Variants in HTR4 observed in about 807,000 individuals in gnomAD.
HTR4 encodes the protein 5-hydroxytryptamine receptor 4, also known as 5-hydroxytryptamine (serotonin) receptor 4, G protein-coupled.
A neutral mutation model predicts 36.8 loss-of-function variants in HTR4; 16 were observed. That is an observed-to-expected ratio of 0.43 (90% confidence interval 0.29 to 0.66). HTR4 has a LOEUF of 0.66. Ranked by LOEUF, HTR4 falls within the 30% of genes least tolerant of loss-of-function variation. The pLI, the probability that HTR4 is intolerant of heterozygous loss-of-function variation, is 0.13. For missense variants in HTR4, 438 were observed against 490.9 expected, an observed-to-expected ratio of 0.89 and a Z score of 1.02; for synonymous variants, 189 against 185.1, an observed-to-expected ratio of 1.02 and a Z score of -0.17.
At chr5:148,638,531 G>A (rs1038275659) in intron 1 of HTR4, among the ~76,000 whole-genome samples, 5 of 152,174 alleles carry the variant, frequency 3.3e-5, no homozygotes, top group Admixed American at 2.0e-4. Context: ...TTATCCCTAC[G>A]TTGAGACTTT....
rs923070574 is a variant in HTR4, at chr5:148,613,271, A to G, written c.26+23718T>C. On this transcript the variant is annotated intron_variant, in intron 2 of 6. Transcript: ENST00000377888. ...AATATCCTTGATGAACATTGATGCA[A>G]AAATCCTCAATAAAATACTGGCAAA... is the stretch of plus-strand genomic sequence containing the variant. Among the ~76,000 whole-genome samples the G allele has an allele frequency of 1.9e-3, 256 of 136,948 alleles. 2 individuals are homozygous for G. Among genetic ancestry groups the G allele is most frequent in the Non-Finnish European group, 2.8e-3 (177 of 63,114 alleles). 89.8% of individuals were successfully genotyped at this position (136,948 alleles called of 152,430 possible).
chr5:148,516,171 C>G (rs979930475), intron 5 of HTR4, among the ~76,000 whole-genome samples: 8 of 151,456 alleles, frequency 5.3e-5, no homozygotes, highest in African/African-American at 1.9e-4. Flanking sequence ...ATATTGTTAT[C>G]ATTATGAAAA....
At chr5:148,569,801 T>C (rs1332209900) in intron 2 of HTR4, among the ~76,000 whole-genome samples, 1 of 152,126 alleles carries the variant, frequency 6.6e-6, no homozygotes, top group African/African-American at 2.4e-5. Context: ...TATAAGTAGA[T>C]CCAGAGGTCA....
At chr5:148,592,375 CT>C (rs1421773255) in intron 2 of HTR4, among the ~76,000 whole-genome samples, 15 of 152,160 alleles carry the variant, frequency 9.9e-5, no homozygotes, top group African/African-American at 3.1e-4. Context: ...ACATGTACCC[CT>C]GAACCTAAAA....
chr5:148,550,815 T>C (rs901154602), intron 2 of HTR4, among the ~76,000 whole-genome samples: 4 of 152,102 alleles, frequency 2.6e-5, no homozygotes, highest in Middle Eastern at 3.2e-3. Context: ...GAAGTGGACG[T>C]CTCATGGCAT....
intron 2 of HTR4, among the ~76,000 whole-genome samples, chr5:148,593,882 A>G (rs75084264): frequency 0.014 from 2,093 of 152,264 alleles, 44 homozygotes; most frequent in African/African-American, 0.049. Context: ...TAAATTTTCA[A>G]TGTGTTCAAA....
chr5:148,542,638 C>CTT (rs200117617), intron 4 of HTR4, among the ~76,000 whole-genome samples: 1 of 151,378 alleles, frequency 6.6e-6, no homozygotes. Context: ...GTGAAATTGA[C>CTT]TTTTTTTTTA....
At chr5:148,493,079 T>C (rs897707142) in intron 6 of HTR4, among the ~76,000 whole-genome samples, 2 of 152,250 alleles carry the variant, frequency 1.3e-5, no homozygotes, top group African/African-American at 4.8e-5. Flanking sequence ...AAGCACTAAC[T>C]TTTCTAATCC....
intron 6 of HTR4, among the ~76,000 whole-genome samples, chr5:148,488,686 T>C (rs1756273975): frequency 1.3e-5 from 2 of 152,202 alleles, no homozygotes; most frequent in Admixed American, 1.3e-4. Context: ...CATAGTGTCT[T>C]GGCAAGGACA....
intron 2 of HTR4, among the ~76,000 whole-genome samples, chr5:148,621,530 C>A (rs1752919292): frequency 6.6e-6 from 1 of 152,182 alleles, no homozygotes; most frequent in South Asian, 2.1e-4. Flanking sequence ...CATAGAGAGA[C>A]CAATTCTAAC....
chr5:148,623,359 A>G (rs1752981395), intron 2 of HTR4, among the ~76,000 whole-genome samples: 1 of 152,172 alleles, frequency 6.6e-6, no homozygotes, highest in Non-Finnish European at 1.5e-5. Context: ...CCACAGAGAC[A>G]GACAATGCCT....
At chr5:148,608,312 T>TAAATATTATAATGAGAAGAGTATATA (rs1752266483) in intron 2 of HTR4, among the ~76,000 whole-genome samples, 1 of 152,152 alleles carries the variant, frequency 6.6e-6, no homozygotes, top group Non-Finnish European at 1.5e-5. Flanking sequence ...TATAATATCA[T>TAAATATTATAATGAGAAGAGTATATA]AAATATTATA....
At chr5:148,545,767 A>G (rs1273754512) in intron 4 of HTR4, among the ~76,000 whole-genome samples, 3 of 152,186 alleles carry the variant, frequency 2.0e-5, no homozygotes, top group Non-Finnish European at 4.4e-5. Context: ...GAAGCTGGGG[A>G]CATGGACAGG....
chr5:148,558,631 G>A (rs1303473334), intron 2 of HTR4, among the ~76,000 whole-genome samples: 4 of 152,124 alleles, frequency 2.6e-5, no homozygotes, highest in African/African-American at 7.2e-5. Context: ...TTGTAAAACC[G>A]TCCCTTGTCG....
chr5:148,550,547 A>G (rs1400534463), intron 2 of HTR4, among the ~76,000 whole-genome samples: 1 of 152,216 alleles, frequency 6.6e-6, no homozygotes, highest in South Asian at 2.1e-4. Context: ...TTCAACTAGC[A>G]TTCAGACATA....
intron 4 of HTR4, among the ~76,000 whole-genome samples, chr5:148,538,458 T>C (rs1393434941): frequency 6.6e-6 from 1 of 152,148 alleles, no homozygotes; most frequent in Non-Finnish European, 1.5e-5. Flanking sequence ...GATAACATGA[T>C]TCTATATCTA....
intron 2 of HTR4, among the ~76,000 whole-genome samples, chr5:148,566,953 C>CA (rs545982179): frequency 4.0e-4 from 61 of 151,624 alleles, no homozygotes; most frequent in Non-Finnish European, 6.8e-4. Flanking sequence ...TGCTAATCCA[C>CA]AAAAAATTGT....
chr5:148,599,441 C>T (rs944648442), intron 2 of HTR4, among the ~76,000 whole-genome samples: 2 of 152,024 alleles, frequency 1.3e-5, no homozygotes, highest in African/African-American at 4.8e-5. Flanking sequence ...TCTGACTTTT[C>T]AGCAGTAAGT....
chr5:148,515,291 G>T (rs186836670), intron 5 of HTR4, among the ~76,000 whole-genome samples: 1 of 152,038 alleles, frequency 6.6e-6, no homozygotes, highest in African/African-American at 2.4e-5. Flanking sequence ...CATGCCCCAC[G>T]CCTGCCTTTT....
Sources: allele counts gnomAD v4.1 joint callset (sites outside exome capture counted in the v4.1 genomes callset), GRCh38; gene constraint gnomAD v4.1.1; transcripts MANE v1.5; gene names NCBI Gene and HGNC (gene_info 2026-07-23, HGNC 2026-07-21).